PTPRK: variants seen among roughly 807,000 people sequenced by gnomAD.
The protein encoded by PTPRK is protein tyrosine phosphatase receptor type K, also known as receptor-type tyrosine-protein phosphatase kappa.
PTPRK carries 75 observed loss-of-function variants against 178.0 expected under a neutral mutation model. That is an observed-to-expected ratio of 0.42 (90% confidence interval 0.35 to 0.51). The LOEUF (loss-of-function observed/expected upper bound fraction) is 0.51, where lower values mean the gene tolerates loss of function less well. Among genes scored for constraint, PTPRK ranks in the 20% least tolerant of loss-of-function variants. The probability of loss-of-function intolerance (pLI) is 0.02; values close to 1 mark genes in which losing one functional copy is unlikely to be tolerated. For synonymous variants in PTPRK, 637 were observed against 620.6 expected (o/e 1.03, Z -0.39); for missense variants, 1,441 against 1,797.8 (o/e 0.80, Z 3.59).
intron 2 of PTPRK, among the ~76,000 whole-genome samples, chr6:128,330,887 AAACAAAAC>A (rs1830183546): frequency 6.6e-6 from 1 of 151,474 alleles, no homozygotes; most frequent in Non-Finnish European, 1.5e-5. Context: ...AACAAAAACA[AAACAAAAC>A]AAAACAAAAA....
At chr6:128,494,523 C>G (rs757351829) in intron 1 of PTPRK, among the ~76,000 whole-genome samples, 1 of 151,872 alleles carries the variant, frequency 6.6e-6, no homozygotes, top group Admixed American at 6.5e-5. Flanking sequence ...GAGTACTCAG[C>G]GGGAGCACTG....
At chr6:128,219,142 A>T in intron 5 of PTPRK, 46 bp from the exon 6 acceptor site, 1 of 1,502,300 alleles carries the variant, frequency 6.7e-7, no homozygotes, top group Non-Finnish European at 9.1e-7. Context: ...TACTATTTTC[A>T]TAAATCTATA....
In PTPRK at chr6:127,991,295, C is replaced by A; in HGVS notation, c.2978G>T (p.Arg993Leu). 1 of 1,586,724 alleles carries A rather than the reference C, an allele frequency of 6.3e-7. No individual in the cohort carries two copies. The highest frequency in any genetic ancestry group is 8.6e-7 in the Non-Finnish European group (1 of 1,168,200). ...AAAAATTCTTTTTCTTCCTCTTACC[C>A]GGCCAACCTCAACTAAATTTGTAAC... Reference protein sequence around the residue: ...VMVTNLVEVGRVKCYKYWPDD... With the variant: ...VMVTNLVEVGLVKCYKYWPDD... The change falls in exon 20 of 30, where the codon CGG (arginine) becomes CTG (leucine). Residue 993 changes from arginine to leucine, a missense_variant and splice_region_variant. Arg to Leu is a moderately radical substitution (Grantham distance 102). Around this residue, in one of 4 missense-constraint regions of PTPRK, gnomAD observed 945 missense variants for 1,080.6 expected, o/e 0.87. Coordinates refer to ENST00000368226, the MANE Select transcript of PTPRK (RefSeq NM_002844.4).
rs112609897 is a variant in PTPRK, at chr6:128,040,136, C to T, written c.2194+24622G>A. On this transcript the variant is annotated intron_variant, in intron 13 of 29. Transcript: ENST00000368226. ...CTTCTTAGGAACTTCAATTTTTATCCTCTGTTTTCCTTCTCTCTATTAACA... is the reference window on the plus strand; with the variant it reads ...CTTCTTAGGAACTTCAATTTTTATCTTCTGTTTTCCTTCTCTCTATTAACA... Among the ~76,000 whole-genome samples the T allele has an allele frequency of 9.4e-3, 1,424 of 152,166 alleles. 24 individuals are homozygous for T. The highest frequency in any genetic ancestry group is 0.033 in the African/African-American group (1,360 of 41,508).
At position 128,066,166 on chromosome 6, in the gene PTPRK, T is replaced by C. The variant is rs142577137; in HGVS notation, c.2157+1353A>G. 4.5e-3 allele frequency among the ~76,000 whole-genome samples: 683 copies of C among 152,328 alleles called. 6 individuals carry two copies. Among genetic ancestry groups the C allele is most frequent in the African/African-American group, 0.016 (656 of 41,582 alleles). ...ATGCTTCCTACTCAATGCTATATTA[T>C]ACCCAGAATGGACTAATAACTTCCA... On this transcript the variant is annotated intron_variant, in intron 12 of 29. Coordinates refer to ENST00000368226, the MANE Select transcript of PTPRK (RefSeq NM_002844.4).
At chr6:128,408,530 A>C (rs1037710920) in intron 1 of PTPRK, among the ~76,000 whole-genome samples, 4 of 152,268 alleles carry the variant, frequency 2.6e-5, no homozygotes, top group African/African-American at 9.6e-5. Context: ...AAGGATTGAC[A>C]ATATGTAGTA....
At chr6:128,179,190 G>A (rs1801544648) in intron 7 of PTPRK, among the ~76,000 whole-genome samples, 1 of 151,902 alleles carries the variant, frequency 6.6e-6, no homozygotes. Flanking sequence ...TATAGGTCTG[G>A]TCCCTAGTGA....
At chr6:128,128,806 T>C (rs779012435) in intron 7 of PTPRK, among the ~76,000 whole-genome samples, 9 of 152,216 alleles carry the variant, frequency 5.9e-5, no homozygotes, top group Non-Finnish European at 1.2e-4. Context: ...TCTTTTCTAA[T>C]GCTAGAGTTA....
chr6:128,278,176 A>G (rs975566876), intron 3 of PTPRK, among the ~76,000 whole-genome samples: 62 of 138,948 alleles, frequency 4.5e-4, no homozygotes, highest in Admixed American at 2.8e-3. Context: ...TATTTATTTG[A>G]GACGGAGTCT....
chr6:128,259,397 C>T (rs1817839324), intron 3 of PTPRK, among the ~76,000 whole-genome samples: 1 of 152,060 alleles, frequency 6.6e-6, no homozygotes, highest in Non-Finnish European at 1.5e-5. Flanking sequence ...TTCACAATAA[C>T]CTAATTAAGG....
intron 2 of PTPRK, among the ~76,000 whole-genome samples, chr6:128,369,209 C>G (rs1000183397): frequency 1.3e-5 from 2 of 150,352 alleles, no homozygotes; most frequent in Non-Finnish European, 3.0e-5. Flanking sequence ...TTCTATATTC[C>G]TGAAGAAAAG....
intron 3 of PTPRK, among the ~76,000 whole-genome samples, chr6:128,307,945 A>G (rs1365580153): frequency 6.6e-6 from 1 of 152,226 alleles, no homozygotes; most frequent in Non-Finnish European, 1.5e-5. Context: ...ACTACTTAGC[A>G]ATATCATACA....
intron 3 of PTPRK, among the ~76,000 whole-genome samples, chr6:128,263,506 C>A (rs924930856): frequency 1.3e-5 from 2 of 152,234 alleles, no homozygotes; most frequent in South Asian, 2.1e-4. Context: ...TGCAGTAGCA[C>A]ACCATTATAC....
chr6:127,989,890 C>T (rs986361857), intron 21 of PTPRK, among the ~76,000 whole-genome samples: 3 of 151,416 alleles, frequency 2.0e-5, no homozygotes, highest in African/African-American at 4.8e-5. Flanking sequence ...GTTCTTCTGT[C>T]TGTATGTACC....
intron 1 of PTPRK, among the ~76,000 whole-genome samples, chr6:128,468,727 T>C (rs1850217156): frequency 6.6e-6 from 1 of 152,128 alleles, no homozygotes; most frequent in Non-Finnish European, 1.5e-5. Context: ...TTCCATTGGT[T>C]CTGTTTTATT....
chr6:128,138,881 C>T (rs143397912), intron 7 of PTPRK, among the ~76,000 whole-genome samples: 406 of 152,028 alleles, frequency 2.7e-3, no homozygotes, highest in African/African-American at 9.3e-3. Flanking sequence ...CTGCAGACAG[C>T]ACTACTCATC....
intron 5 of PTPRK, among the ~76,000 whole-genome samples, chr6:128,237,080 A>T (rs1267488332): frequency 6.6e-6 from 1 of 152,228 alleles, no homozygotes; most frequent in Non-Finnish European, 1.5e-5. Flanking sequence ...ATAACAAATT[A>T]TTTAAAATAT....
chr6:128,354,672 T>C (rs1484806090), intron 2 of PTPRK, among the ~76,000 whole-genome samples: 2 of 152,236 alleles, frequency 1.3e-5, no homozygotes, highest in Non-Finnish European at 2.9e-5. Flanking sequence ...AGTAAGGCAA[T>C]GTGCTAAGCA....
At chr6:128,215,525 G>C (rs888912185) in intron 6 of PTPRK, among the ~76,000 whole-genome samples, 15 of 152,008 alleles carry the variant, frequency 9.9e-5, no homozygotes, top group African/African-American at 3.4e-4. Flanking sequence ...ATACATTATC[G>C]TTATTCAAAA....
Sources: allele counts gnomAD v4.1 joint callset (sites outside exome capture counted in the v4.1 genomes callset), GRCh38; gene constraint gnomAD v4.1.1; regional missense constraint gnomAD v4.1.1; transcripts MANE v1.5; gene names NCBI Gene and HGNC (gene_info 2026-07-23, HGNC 2026-07-21).